HS6ST3: variants seen among roughly 807,000 people sequenced by gnomAD.
The protein encoded by HS6ST3 is heparan sulfate 6-O-sulfotransferase 3, also known as heparan-sulfate 6-O-sulfotransferase 3.
HS6ST3 carries 12 observed loss-of-function variants against 36.7 expected under a neutral mutation model. That is an observed-to-expected ratio of 0.33 (90% CI 0.21 to 0.53). HS6ST3 has a LOEUF of 0.53. HS6ST3 is among the 20% of genes least tolerant of loss of function. HS6ST3 has a pLI of 0.95. For synonymous variants in HS6ST3, 240 were observed against 257.5 expected (o/e 0.93, Z 0.65); for missense variants, 584 against 640.9 (o/e 0.91, Z 0.96).
chr13:96,739,182 A>AT (rs1229379855), intron 1 of HS6ST3, among the ~76,000 whole-genome samples: 1 of 142,650 alleles, frequency 7.0e-6, no homozygotes, highest in African/African-American at 2.6e-5. Flanking sequence ...CCAGGGCTCC[A>AT]TTTTTCATAC....
In HS6ST3 at chr13:96,838,708, A is replaced by G. The variant is rs1878997874; in HGVS notation, c.*5510A>G. On this transcript the variant is annotated 3_prime_UTR_variant, in exon 2 of 2. Transcript: ENST00000376705. Reference sequence around the variant, plus strand: ...TCTGAACTAATTCCTTGAGACTTCAAATTAGCCCTTCTGAGCAAGTGGGCA... The same window carrying G: ...TCTGAACTAATTCCTTGAGACTTCAGATTAGCCCTTCTGAGCAAGTGGGCA... 1 of 152,136 alleles carries G rather than the reference A, an allele frequency of 6.6e-6. No homozygotes were observed. The highest frequency in any genetic ancestry group is 1.5e-5 in the Non-Finnish European group (1 of 68,062). The allele number at this position is 152,136 out of a possible 1,614,324, so 9.4% of individuals were successfully genotyped here.
intron 1 of HS6ST3, among the ~76,000 whole-genome samples, chr13:96,564,333 AT>A (rs2138957493): frequency 1.3e-5 from 2 of 152,206 alleles, no homozygotes; most frequent in South Asian, 2.1e-4. Context: ...ACTTGACACT[AT>A]TTTTTCCCCT....
At chr13:96,241,356 C>T (rs745891676) in intron 1 of HS6ST3, among the ~76,000 whole-genome samples, 16 of 151,800 alleles carry the variant, frequency 1.1e-4, no homozygotes, top group Admixed American at 4.6e-4. Flanking sequence ...ATGAAAAACA[C>T]GAATAAATTC....
At chr13:96,688,902 A>T (rs1442923534) in intron 1 of HS6ST3, among the ~76,000 whole-genome samples, 3 of 151,962 alleles carry the variant, frequency 2.0e-5, no homozygotes, top group Admixed American at 1.3e-4. Context: ...TCCTGCATAT[A>T]CTTAAAAATC....
intron 1 of HS6ST3, among the ~76,000 whole-genome samples, chr13:96,726,844 A>G (rs1014357079): frequency 2.0e-5 from 3 of 151,586 alleles, no homozygotes; most frequent in African/African-American, 7.3e-5. Flanking sequence ...ATCTGCTGTT[A>G]TCCTTCTCTT....
chr13:96,484,938 G>C (rs1217256420), intron 1 of HS6ST3, among the ~76,000 whole-genome samples: 1 of 152,084 alleles, frequency 6.6e-6, no homozygotes, highest in African/African-American at 2.4e-5. Flanking sequence ...GGCTGTACCA[G>C]TTTGCATTCC....
intron 1 of HS6ST3, among the ~76,000 whole-genome samples, chr13:96,553,673 GC>G (rs1355181583): frequency 6.6e-6 from 1 of 152,248 alleles, no homozygotes; most frequent in Non-Finnish European, 1.5e-5. Flanking sequence ...ATTTGGTAGA[GC>G]CTAAGTGTCA....
intron 1 of HS6ST3, among the ~76,000 whole-genome samples, chr13:96,737,975 G>C (rs1876329996): frequency 6.6e-6 from 1 of 151,892 alleles, no homozygotes; most frequent in African/African-American, 2.4e-5. Context: ...ATTACATTAG[G>C]TTTACCCACG....
chr13:96,143,865 G>T (rs562097850), intron 1 of HS6ST3, among the ~76,000 whole-genome samples: 20 of 152,310 alleles, frequency 1.3e-4, no homozygotes, highest in African/African-American at 4.8e-4. Context: ...AGCAATGGAA[G>T]AAGCAAGTTA....
intron 1 of HS6ST3, among the ~76,000 whole-genome samples, chr13:96,671,488 G>A (rs1057210833): frequency 1.3e-5 from 2 of 152,028 alleles, no homozygotes; most frequent in African/African-American, 4.8e-5. Context: ...CATGTGCTAG[G>A]GCTACTGTAA....
At chr13:96,197,590 A>T (rs2054320507) in intron 1 of HS6ST3, among the ~76,000 whole-genome samples, 2 of 152,328 alleles carry the variant, frequency 1.3e-5, no homozygotes, top group South Asian at 4.1e-4. Flanking sequence ...CTCATCTGAG[A>T]CAAGGCAAGT....
chr13:96,728,820 C>T (rs1338293900), intron 1 of HS6ST3, among the ~76,000 whole-genome samples: 1 of 152,126 alleles, frequency 6.6e-6, no homozygotes. Context: ...GAAGTGCTTT[C>T]TACCATTCAA....
At chr13:96,112,515 T>C in intron 1 of HS6ST3, among the ~76,000 whole-genome samples, 1 of 143,982 alleles carries the variant, frequency 6.9e-6, no homozygotes, top group African/African-American at 2.5e-5. Flanking sequence ...GGTGGAATGC[T>C]TGAATCCAGG....
At chr13:96,357,780 T>C (rs1203252924) in intron 1 of HS6ST3, among the ~76,000 whole-genome samples, 1 of 152,144 alleles carries the variant, frequency 6.6e-6, no homozygotes, top group East Asian at 1.9e-4. Flanking sequence ...CCTTGGCCTC[T>C]TAAAGTGTTG....
intron 1 of HS6ST3, among the ~76,000 whole-genome samples, chr13:96,744,984 T>C (rs9556620): frequency 0.13 from 19,048 of 152,106 alleles, 1,465 homozygotes; most frequent in East Asian, 0.21. Context: ...AGTTTCTTAC[T>C]GATCAAATAT....
At chr13:96,554,820 G>A (rs1399221363) in intron 1 of HS6ST3, among the ~76,000 whole-genome samples, 2 of 152,026 alleles carry the variant, frequency 1.3e-5, no homozygotes, top group Non-Finnish European at 2.9e-5. Context: ...TGTAGTCCCA[G>A]CACTTTGGGA....
chr13:96,293,791 A>C (rs2054841499), intron 1 of HS6ST3, among the ~76,000 whole-genome samples: 1 of 152,142 alleles, frequency 6.6e-6, no homozygotes, highest in African/African-American at 2.4e-5. Flanking sequence ...CACTGTCTTC[A>C]TGATGCACAA....
rs958564119 is a variant in HS6ST3 at position 96,416,373 on chromosome 13, C to T, written c.707+324804C>T. ...TGCAAACTTGGAATGGGTAATATCC[C>T]ATTAGTCTAATACTAAGAGTCATAC... On this transcript the variant is annotated intron_variant, in intron 1 of 1. Transcript: ENST00000376705. Among the ~76,000 whole-genome samples, 21 of 152,132 alleles carry T rather than the reference C, an allele frequency of 1.4e-4. No homozygotes were observed. The East Asian group carries it at 4.0e-3, about 29-fold the overall frequency.
chr13:96,548,674 C>A (rs866011312), intron 1 of HS6ST3, among the ~76,000 whole-genome samples: 1 of 152,188 alleles, frequency 6.6e-6, no homozygotes. Flanking sequence ...CCAAAATCTG[C>A]AGAGCCAGCC....
Sources: gnomAD v4.1 joint callset for allele counts (sites outside exome capture counted in the v4.1 genomes callset) on GRCh38, gnomAD v4.1.1 for gene constraint, MANE v1.5 for transcripts, NCBI Gene and HGNC (gene_info 2026-07-23, HGNC 2026-07-21) for gene names.